The following CSMD1 variants were observed in gnomAD, a reference collection of about 807,000 sequenced individuals.
The protein encoded by CSMD1 is CUB and Sushi multiple domains 1, also known as CUB and sushi domain-containing protein 1.
In CSMD1, 213 loss-of-function variants were observed where a neutral mutation model predicts 417.5. The ratio of observed to expected loss-of-function variants is 0.51; its 90% CI spans 0.46 to 0.57. The LOEUF is 0.57. CSMD1 is among the 20% of genes least tolerant of loss of function. CSMD1 has a pLI of 0.00. For missense variants in CSMD1, 6,923 were observed against 4,529.7 expected, an observed-to-expected ratio of 1.53 and a Z score of -15.17; for synonymous variants, 2,862 against 1,736.8, an observed-to-expected ratio of 1.65 and a Z score of -16.11.
intron 5 of CSMD1, among the ~76,000 whole-genome samples, chr8:3,791,482 A>T (rs1799738584): frequency 6.6e-6 from 1 of 152,202 alleles, no homozygotes; most frequent in Admixed American, 6.5e-5. Flanking sequence ...TCTTTAGTTG[A>T]ATAATTTGAA....
At chr8:3,529,272 AT>A (rs1466998065) in intron 10 of CSMD1, among the ~76,000 whole-genome samples, 3 of 152,042 alleles carry the variant, frequency 2.0e-5, no homozygotes, top group African/African-American at 7.3e-5. Flanking sequence ...CTTTTCCATG[AT>A]TTTTTTGCAT....
intron 1 of CSMD1, among the ~76,000 whole-genome samples, chr8:4,749,950 A>C (rs1811193671): frequency 6.6e-6 from 1 of 152,066 alleles, no homozygotes; most frequent in Admixed American, 6.5e-5. Context: ...CAAGGTCTTC[A>C]TGGTTCCCTC....
chr8:2,938,670 G>C lies in CSMD1; in HGVS notation c.10610C>G (p.Pro3537Arg). ...NSNGQASFEN[P>R]MYDTNLKPTE... Reference sequence around the variant, plus strand: ...GGGTTTTAAGTTTGTATCATACATGGGGTTTTCAAACGATGCTTGTCCATT... The same window carrying C: ...GGGTTTTAAGTTTGTATCATACATGCGGTTTTCAAACGATGCTTGTCCATT... The change falls in exon 70 of 70, where the codon CCC (proline) becomes CGC (arginine). Residue 3537 changes from proline to arginine, a missense_variant. Pro to Arg is a moderately radical substitution (Grantham distance 103, BLOSUM62 -2). Coordinates refer to ENST00000635120, the MANE Select transcript of CSMD1 (RefSeq NM_033225.6). 1 of 1,611,800 alleles carries C rather than the reference G, an allele frequency of 6.2e-7. No homozygotes were observed. Among genetic ancestry groups the C allele is most frequent in the Non-Finnish European group, 8.5e-7 (1 of 1,178,932 alleles).
In CSMD1 at chr8:4,055,426, C is replaced by T. The variant is rs117562788; in HGVS notation, c.416-23327G>A. On this transcript the variant is annotated intron_variant, in intron 3 of 69. Coordinates refer to ENST00000635120, the MANE Select transcript of CSMD1 (RefSeq NM_033225.6). ...CATATTTTAAACTCACTAAACATTC[C>T]AAAATCAGATCAGCATTTTGAAGAG... 7.7e-3 allele frequency among the ~76,000 whole-genome samples: 1,171 copies of T among 151,776 alleles called. 6 individuals are homozygous for T. The highest frequency in any genetic ancestry group is 0.011 in the Admixed American group (171 of 15,244).
At chr8:4,206,643 G>C (rs187731285) in intron 3 of CSMD1, among the ~76,000 whole-genome samples, 1 of 152,124 alleles carries the variant, frequency 6.6e-6, no homozygotes, top group Non-Finnish European at 1.5e-5. Flanking sequence ...TGCAATAAAC[G>C]TATGTGTGCA....
chr8:3,510,198 G>T (rs1228231402), intron 10 of CSMD1, among the ~76,000 whole-genome samples: 1 of 149,620 alleles, frequency 6.7e-6, no homozygotes, highest in East Asian at 1.9e-4. Context: ...CTGTACTGTG[G>T]GGCTGGACAT....
At chr8:3,078,103 G>C (rs571533691) in intron 49 of CSMD1, among the ~76,000 whole-genome samples, 15 of 152,290 alleles carry the variant, frequency 9.8e-5, no homozygotes, top group African/African-American at 2.9e-4. Flanking sequence ...TTTAAAATGT[G>C]TGAGATATAT....
chr8:3,466,577 ATTTT>A (rs35761429), intron 12 of CSMD1, among the ~76,000 whole-genome samples: 9 of 113,598 alleles, frequency 7.9e-5, no homozygotes, highest in African/African-American at 3.4e-4. Context: ...CAATCAGCTA[ATTTT>A]TTTTTTTTTT....
At chr8:4,910,280 A>C (rs1386847985) in intron 1 of CSMD1, among the ~76,000 whole-genome samples, 1 of 152,238 alleles carries the variant, frequency 6.6e-6, no homozygotes, top group Non-Finnish European at 1.5e-5. Context: ...GTGAACAGTC[A>C]ACGCATATAT....
At chr8:4,495,617 T>A (rs1365788330) in intron 2 of CSMD1, among the ~76,000 whole-genome samples, 1 of 152,024 alleles carries the variant, frequency 6.6e-6, no homozygotes, top group Non-Finnish European at 1.5e-5. Flanking sequence ...GGCACAAATA[T>A]TAAAATGTAT....
chr8:4,208,235 G>T (rs921914329), intron 3 of CSMD1, among the ~76,000 whole-genome samples: 1 of 152,100 alleles, frequency 6.6e-6, no homozygotes, highest in East Asian at 1.9e-4. Flanking sequence ...AAAGGTAACT[G>T]CTCCTGTTAT....
intron 5 of CSMD1, among the ~76,000 whole-genome samples, chr8:3,892,355 G>A (rs1372647833): frequency 6.6e-6 from 1 of 152,028 alleles, no homozygotes; most frequent in Non-Finnish European, 1.5e-5. Flanking sequence ...AAGACGTGTG[G>A]GGAACGTATT....
intron 5 of CSMD1, among the ~76,000 whole-genome samples, chr8:3,886,571 G>T (rs1348087893): frequency 6.6e-6 from 1 of 152,196 alleles, no homozygotes; most frequent in African/African-American, 2.4e-5. Flanking sequence ...TGGCTGTGTT[G>T]CAGGAAAAGT....
At chr8:4,647,865 T>C (rs1803637856) in intron 1 of CSMD1, among the ~76,000 whole-genome samples, 1 of 152,240 alleles carries the variant, frequency 6.6e-6, no homozygotes, top group South Asian at 2.1e-4. Context: ...TAAATAGTAC[T>C]GCAGTAGACA....
intron 45 of CSMD1, 26 bp downstream of exon 45, chr8:3,107,692 T>C (rs745541365): frequency 3.7e-6 from 5 of 1,334,810 alleles, no homozygotes; most frequent in East Asian, 2.4e-5. Context: ...GCTGAATTCA[T>C]GGTATTGTAA....
chr8:3,403,499 C>T (rs1207124755), intron 15 of CSMD1, among the ~76,000 whole-genome samples: 1 of 152,156 alleles, frequency 6.6e-6, no homozygotes, highest in African/African-American at 2.4e-5. Context: ...TTTCTTTCTG[C>T]CGAGGGCTTC....
At chr8:4,339,933 G>A (rs910861463) in intron 3 of CSMD1, among the ~76,000 whole-genome samples, 12 of 152,052 alleles carry the variant, frequency 7.9e-5, no homozygotes, top group African/African-American at 2.4e-4. Flanking sequence ...CCTGAGGCAA[G>A]AGGATCACTT....
At chr8:4,911,462 T>C (rs1805664641) in intron 1 of CSMD1, among the ~76,000 whole-genome samples, 2 of 152,174 alleles carry the variant, frequency 1.3e-5, no homozygotes, top group African/African-American at 2.4e-5. Context: ...CACTTTTCCA[T>C]AGGATGTGAT....
intron 3 of CSMD1, among the ~76,000 whole-genome samples, chr8:4,308,480 T>G (rs899809798): frequency 2.6e-5 from 4 of 152,166 alleles, no homozygotes; most frequent in Admixed American, 6.6e-5. Context: ...CGAGGGCCAA[T>G]GTGAAACACG....
Sources: gnomAD v4.1 joint callset for allele counts (sites outside exome capture counted in the v4.1 genomes callset) on GRCh38, gnomAD v4.1.1 for gene constraint, MANE v1.5 for transcripts, NCBI Gene and HGNC (gene_info 2026-07-23, HGNC 2026-07-21) for gene names.